Variants in DCC observed in about 807,000 individuals in gnomAD.
DCC encodes netrin receptor DCC.
A neutral mutation model predicts 172.5 loss-of-function variants in DCC; 58 were observed. The ratio of observed to expected loss-of-function variants is 0.34; its 90% CI spans 0.27 to 0.42. The LOEUF (loss-of-function observed/expected upper bound fraction) is 0.42. Ranked by LOEUF, DCC falls within the 10% of genes least tolerant of loss-of-function variation. The pLI is 1.00. For synonymous variants in DCC, 709 were observed against 644.5 expected (o/e 1.10, Z -1.52); for missense variants, 1,740 against 1,791.0 (o/e 0.97, Z 0.51).
intron 1 of DCC, among the ~76,000 whole-genome samples, chr18:52,352,942 G>C (rs1045226474): frequency 1.3e-5 from 2 of 152,154 alleles, no homozygotes; most frequent in East Asian, 3.9e-4. Context: ...AGAATCCCAA[G>C]TGACTGAGGA....
chr18:52,738,099 G>A lies in DCC; in HGVS notation c.92-13955G>A, dbSNP rs1009283300. On this transcript the variant is annotated intron_variant, in intron 1 of 28. Coordinates refer to ENST00000442544, the MANE Select transcript of DCC (RefSeq NM_005215.4). ...GGTTTTGCCTCTTGGTCCACAGAGC[G>A]CAAAAAAATTTATTATCTGGCCCTT... is the stretch of plus-strand genomic sequence containing the variant. 8.5e-5 allele frequency among the ~76,000 whole-genome samples: 13 copies of A among 152,166 alleles called. 1 individual carries two copies. The highest frequency in any genetic ancestry group is 1.2e-4 in the African/African-American group (5 of 41,516).
intron 1 of DCC, among the ~76,000 whole-genome samples, chr18:52,491,329 CA>C (rs1340037793): frequency 6.6e-6 from 1 of 151,938 alleles, no homozygotes; most frequent in Admixed American, 6.6e-5. Flanking sequence ...AACATGCAAA[CA>C]AACACATATA....
intron 15 of DCC, among the ~76,000 whole-genome samples, chr18:53,368,323 T>C (rs1187615534): frequency 1.3e-5 from 2 of 152,164 alleles, no homozygotes; most frequent in Non-Finnish European, 2.9e-5. Flanking sequence ...TCACTATGTA[T>C]TGTGCATATT....
intron 8 of DCC, among the ~76,000 whole-genome samples, chr18:53,171,898 C>CA (rs2055019848): frequency 6.6e-6 from 1 of 151,362 alleles, no homozygotes; most frequent in Non-Finnish European, 1.5e-5. Flanking sequence ...GGTGAGGCTG[C>CA]AGAGAAAAGG....
chr18:52,561,046 T>C (rs533374407), intron 1 of DCC, among the ~76,000 whole-genome samples: 7 of 152,264 alleles, frequency 4.6e-5, no homozygotes, highest in African/African-American at 1.7e-4. Flanking sequence ...AGATGTTTGG[T>C]GTTATTCAAT....
chr18:53,323,823 G>A (rs1408922332), intron 14 of DCC, among the ~76,000 whole-genome samples: 1 of 152,126 alleles, frequency 6.6e-6, no homozygotes, highest in Admixed American at 6.6e-5. Context: ...GGAAGGAATA[G>A]TGAGTAAGGT....
At chr18:52,965,309 T>C (rs2040911831) in intron 5 of DCC, among the ~76,000 whole-genome samples, 1 of 152,110 alleles carries the variant, frequency 6.6e-6, no homozygotes, top group Non-Finnish European at 1.5e-5. Flanking sequence ...CAAGGCTAGA[T>C]TGACAAAACA....
intron 7 of DCC, among the ~76,000 whole-genome samples, chr18:53,124,408 A>G (rs1004811513): frequency 3.3e-5 from 5 of 152,088 alleles, no homozygotes; most frequent in African/African-American, 1.2e-4. Flanking sequence ...CATAGTCAGC[A>G]ATTTCAGTTT....
At chr18:52,715,281 A>G (rs1208598538) in intron 1 of DCC, among the ~76,000 whole-genome samples, 1 of 114,874 alleles carries the variant, frequency 8.7e-6, no homozygotes, top group Non-Finnish European at 1.7e-5. Flanking sequence ...AAAAAACACT[A>G]CATTTTTTCT....
chr18:52,689,381 T>C (rs530857776), intron 1 of DCC, among the ~76,000 whole-genome samples: 4 of 152,240 alleles, frequency 2.6e-5, no homozygotes, highest in Admixed American at 6.5e-5. Context: ...CTTTGGGTAA[T>C]TGGAGAAGCA....
At chr18:52,931,240 T>A (rs979462708) in intron 5 of DCC, among the ~76,000 whole-genome samples, 1 of 152,122 alleles carries the variant, frequency 6.6e-6, no homozygotes, top group African/African-American at 2.4e-5. Flanking sequence ...GGACTGAGTT[T>A]ATATGAAAAA....
chr18:53,429,263 G>GACAACTTTTTTTTTTTTTTTTTTGCCA (rs1319248002), intron 21 of DCC, among the ~76,000 whole-genome samples: 1 of 146,558 alleles, frequency 6.8e-6, no homozygotes. Flanking sequence ...TTTAGAAGAT[G>GACAACTTTTTTTTTTTTTTTTTTGCCA]GTCTCTGCAA....
chr18:52,572,958 G>A (rs2033334363), intron 1 of DCC, among the ~76,000 whole-genome samples: 3 of 152,058 alleles, frequency 2.0e-5, no homozygotes, highest in Admixed American at 2.0e-4. Context: ...CACATTAAAT[G>A]CCTCTTAAAA....
intron 16 of DCC, among the ~76,000 whole-genome samples, chr18:53,387,588 G>A (rs1348096993): frequency 6.6e-6 from 1 of 152,140 alleles, no homozygotes; most frequent in Non-Finnish European, 1.5e-5. Context: ...AAAACTTGAG[G>A]TTTGGGTTAC....
At chr18:53,242,728 G>T (rs2056314996) in intron 12 of DCC, among the ~76,000 whole-genome samples, 1 of 152,106 alleles carries the variant, frequency 6.6e-6, no homozygotes, top group Non-Finnish European at 1.5e-5. Flanking sequence ...GGACAGGCCT[G>T]ATACACACCA....
At chr18:52,397,508 T>C (rs1340729937) in intron 1 of DCC, among the ~76,000 whole-genome samples, 2 of 152,052 alleles carry the variant, frequency 1.3e-5, no homozygotes, top group Non-Finnish European at 2.9e-5. Flanking sequence ...CTTTCATTCC[T>C]AGGGTCCCAT....
rs140150810 is a variant in DCC at position 52,662,669 on chromosome 18, G to A, written c.92-89385G>A. 4.2e-3 allele frequency among the ~76,000 whole-genome samples: 630 copies of A among 151,500 alleles called. 1 individual carries two copies. Among genetic ancestry groups the A allele is most frequent in the Non-Finnish European group, 7.4e-3 (501 of 67,832 alleles). ...GAAAACAAGGGATGGAAGGAAGGAG[G>A]GAGGGAGGGAAGTAAGGAGAAAGAA... is the stretch of plus-strand genomic sequence containing the variant. On this transcript the variant is annotated intron_variant, in intron 1 of 28. Coordinates refer to ENST00000442544, the MANE Select transcript of DCC (RefSeq NM_005215.4).
At chr18:53,164,051 C>T (rs888566185) in intron 8 of DCC, among the ~76,000 whole-genome samples, 4 of 152,306 alleles carry the variant, frequency 2.6e-5, no homozygotes, top group Middle Eastern at 3.4e-3. Flanking sequence ...TAGTCCAAAG[C>T]AGGCACTCTC....
rs556536665 is a variant in DCC, at chr18:53,331,080, A to T, written c.2165-8633A>T. Among the ~76,000 whole-genome samples the T allele has an allele frequency of 3.2e-4, 49 of 152,336 alleles. No individual in the cohort carries two copies. In the South Asian group the frequency reaches 9.7e-3, roughly 30 times the overall value. Reference sequence around the variant, plus strand: ...CTCTAATTTCAGATAAATGAGCTAGAAACATCCATTGCTCTCTGTTGTATT... The same window carrying T: ...CTCTAATTTCAGATAAATGAGCTAGTAACATCCATTGCTCTCTGTTGTATT... On this transcript the variant is annotated intron_variant, in intron 14 of 28. Coordinates refer to ENST00000442544, the MANE Select transcript of DCC (RefSeq NM_005215.4).
Sources: allele counts gnomAD v4.1 joint callset (sites outside exome capture counted in the v4.1 genomes callset), GRCh38; gene constraint gnomAD v4.1.1; transcripts MANE v1.5; gene names NCBI Gene and HGNC (gene_info 2026-07-23, HGNC 2026-07-21).